The following SEMA5A variants were observed in gnomAD, a reference collection of about 807,000 sequenced individuals.
SEMA5A encodes semaphorin-5A.
In SEMA5A, 55 loss-of-function variants were observed where a neutral mutation model predicts 135.5. That is an observed-to-expected ratio of 0.41 (90% CI 0.33 to 0.51). SEMA5A has a LOEUF of 0.51. Ranked by LOEUF, SEMA5A falls within the 20% of genes least tolerant of loss-of-function variation. The pLI is 0.37. For missense variants in SEMA5A, 1,290 were observed against 1,419.9 expected (o/e 0.91, Z 1.47); for synonymous variants, 580 against 546.5 (o/e 1.06, Z -0.85).
chr5:9,429,546 A>G (rs774073749), intron 2 of SEMA5A, among the ~76,000 whole-genome samples: 1 of 152,256 alleles, frequency 6.6e-6, no homozygotes, highest in East Asian at 1.9e-4. Context: ...TTACAAGAAA[A>G]GCAATAAAGC....
intron 1 of SEMA5A, among the ~76,000 whole-genome samples, chr5:9,465,142 G>A (rs551673517): frequency 2.0e-5 from 3 of 152,346 alleles, no homozygotes; most frequent in South Asian, 2.1e-4. Context: ...GCCCGCTCCT[G>A]ACTTGCTGAA....
intron 1 of SEMA5A, among the ~76,000 whole-genome samples, chr5:9,452,260 A>T (rs79133555): frequency 6.6e-6 from 1 of 152,170 alleles, no homozygotes; most frequent in African/African-American, 2.4e-5. Context: ...ATTCTAGCTC[A>T]TATGGCCAGA....
At chr5:9,255,144 A>G (rs1279296901) in intron 5 of SEMA5A, among the ~76,000 whole-genome samples, 1 of 152,206 alleles carries the variant, frequency 6.6e-6, no homozygotes, top group African/African-American at 2.4e-5. Flanking sequence ...GGAGGTAAAG[A>G]CAAAACATTC....
At chr5:9,146,182 A>G (rs1742323845) in intron 12 of SEMA5A, among the ~76,000 whole-genome samples, 1 of 152,138 alleles carries the variant, frequency 6.6e-6, no homozygotes, top group South Asian at 2.1e-4. Context: ...ACTGTGCTCC[A>G]GCCCAAGCCT....
chr5:9,053,440 A>C (rs1300307851), intron 19 of SEMA5A, among the ~76,000 whole-genome samples: 1 of 152,170 alleles, frequency 6.6e-6, no homozygotes, highest in East Asian at 1.9e-4. Context: ...ATTTGATGTC[A>C]TGCTTTTTCT....
chr5:9,514,250 A>G (rs1228272658), intron 1 of SEMA5A, among the ~76,000 whole-genome samples: 1 of 152,166 alleles, frequency 6.6e-6, no homozygotes, highest in Non-Finnish European at 1.5e-5. Flanking sequence ...GATTACATTT[A>G]AGACCCACAT....
chr5:9,240,740 C>G (rs1373185417), intron 5 of SEMA5A, among the ~76,000 whole-genome samples: 1 of 152,040 alleles, frequency 6.6e-6, no homozygotes, highest in Non-Finnish European at 1.5e-5. Context: ...ATCAAGCCTT[C>G]TCTTTCATTT....
intron 2 of SEMA5A, among the ~76,000 whole-genome samples, chr5:9,395,679 G>C (rs1175669588): frequency 6.6e-6 from 1 of 152,160 alleles, no homozygotes; most frequent in African/African-American, 2.4e-5. Context: ...CCGTAGCTAG[G>C]TAAATAGAAC....
chr5:9,347,311 C>T (rs561695846), intron 3 of SEMA5A, among the ~76,000 whole-genome samples: 2 of 152,300 alleles, frequency 1.3e-5, no homozygotes, highest in Non-Finnish European at 2.9e-5. Flanking sequence ...CATAGTATAC[C>T]TAACCCATTT....
intron 3 of SEMA5A, among the ~76,000 whole-genome samples, chr5:9,365,733 G>C (rs1754888555): frequency 6.6e-6 from 1 of 152,104 alleles, no homozygotes; most frequent in African/African-American, 2.4e-5. Flanking sequence ...AAACAATTCT[G>C]CACATGGCTT....
chr5:9,476,670 C>T (rs970792712), intron 1 of SEMA5A, among the ~76,000 whole-genome samples: 5 of 152,266 alleles, frequency 3.3e-5, no homozygotes, highest in African/African-American at 1.2e-4. Flanking sequence ...GCACACTATG[C>T]CTTATTATTT....
At chr5:9,147,954 G>A (rs368321616) in intron 12 of SEMA5A, among the ~76,000 whole-genome samples, 20 of 152,300 alleles carry the variant, frequency 1.3e-4, no homozygotes, top group African/African-American at 4.3e-4. Flanking sequence ...CAGGCTGGGG[G>A]CTTCATTGAA....
intron 2 of SEMA5A, among the ~76,000 whole-genome samples, chr5:9,415,330 C>G (rs1256345204): frequency 6.6e-6 from 1 of 152,114 alleles, no homozygotes; most frequent in African/African-American, 2.4e-5. Context: ...ATGGAGTTCT[C>G]CTATCTAATA....
intron 5 of SEMA5A, among the ~76,000 whole-genome samples, chr5:9,244,824 T>A (rs539970783): frequency 1.1e-4 from 17 of 152,180 alleles, no homozygotes; most frequent in Non-Finnish European, 2.4e-4. Flanking sequence ...CTACCACGTG[T>A]TGCACCTCTG....
chr5:9,162,001 T>C (rs1743282192), intron 11 of SEMA5A, among the ~76,000 whole-genome samples: 1 of 152,240 alleles, frequency 6.6e-6, no homozygotes, highest in Non-Finnish European at 1.5e-5. Context: ...TCACAGGCAG[T>C]GGCAGATGCC....
chr5:9,404,070 G>C (rs561166256), intron 2 of SEMA5A, among the ~76,000 whole-genome samples: 1 of 152,142 alleles, frequency 6.6e-6, no homozygotes, highest in Non-Finnish European at 1.5e-5. Flanking sequence ...CAGTAGCGGG[G>C]ATTACAGATG....
chr5:9,256,742 GTGC>G (rs1461538889), intron 5 of SEMA5A, among the ~76,000 whole-genome samples: 7 of 152,178 alleles, frequency 4.6e-5, no homozygotes, highest in Non-Finnish European at 1.5e-5. Flanking sequence ...GATTAAATAT[GTGC>G]TGAAGGAAGG....
At chr5:9,106,914 C>CT (rs1325630189) in intron 16 of SEMA5A, among the ~76,000 whole-genome samples, 1 of 152,136 alleles carries the variant, frequency 6.6e-6, no homozygotes, top group Non-Finnish European at 1.5e-5. Context: ...GGGAAGAAAT[C>CT]TAATTGTAAT....
chr5:9,514,678 C>A (rs1387630821), intron 1 of SEMA5A, among the ~76,000 whole-genome samples: 1 of 152,162 alleles, frequency 6.6e-6, no homozygotes, highest in Non-Finnish European at 1.5e-5. Flanking sequence ...AAAGTCTGTA[C>A]ATGTTCAGTA....
Sources: allele counts gnomAD v4.1 joint callset (sites outside exome capture counted in the v4.1 genomes callset), GRCh38; gene constraint gnomAD v4.1.1; transcripts MANE v1.5; gene names NCBI Gene and HGNC (gene_info 2026-07-23, HGNC 2026-07-21).